VWA2: variants seen among roughly 807,000 people sequenced by gnomAD.
The protein encoded by VWA2 is von Willebrand factor A domain containing 2.
VWA2 carries 73 observed loss-of-function variants against 70.4 expected under a neutral mutation model. The ratio of observed to expected loss-of-function variants is 1.04; its 90% CI spans 0.86 to 1.26. The LOEUF is 1.26. VWA2 is among the 50% of genes most tolerant of loss of function. The probability of loss-of-function intolerance (pLI) is 0.00; values close to 1 mark genes in which losing one functional copy is unlikely to be tolerated. For missense variants in VWA2, 1,011 were observed against 998.5 expected (o/e 1.01, Z -0.17); for synonymous variants, 407 against 423.3 (o/e 0.96, Z 0.47).
At chr10:114,251,915 G>A (rs1361260334) in intron 2 of VWA2, among the ~76,000 whole-genome samples, 5 of 148,480 alleles carry the variant, frequency 3.4e-5, no homozygotes, top group Non-Finnish European at 7.4e-5. Flanking sequence ...TCCGCCTCCC[G>A]GGTTCAAGTG....
chr10:114,259,222 G>GA (rs1409341040), intron 4 of VWA2, among the ~76,000 whole-genome samples: 1 of 152,124 alleles, frequency 6.6e-6, no homozygotes, highest in East Asian at 1.9e-4. Context: ...AATGGATGGG[G>GA]AAAAATGCTA....
At chr10:114,273,291 A>G (rs779650547) in intron 6 of VWA2, among the ~76,000 whole-genome samples, 17 of 152,108 alleles carry the variant, frequency 1.1e-4, no homozygotes, top group Middle Eastern at 3.4e-3. Context: ...TCTTCCACAT[A>G]TCTCTGCTGT....
rs2037291719 is a variant in VWA2, at chr10:114,254,999, A to G, written c.212A>G (p.Lys71Arg). Reference sequence around the variant, plus strand: ...GGGAAAGGGAGCTTTGAAAGGTCCAAGCACTTTGCCATCACAGTCTGTGAC... The same window carrying G: ...GGGAAAGGGAGCTTTGAAAGGTCCAGGCACTTTGCCATCACAGTCTGTGAC... ...SVGKGSFERSKHFAITVCDGL... is the reference protein window; with the variant it reads ...SVGKGSFERSRHFAITVCDGL... The change falls in exon 4 of 14, where the codon AAG (lysine) becomes AGG (arginine). Residue 71 changes from lysine to arginine, a missense_variant. Lys to Arg is a conservative substitution (Grantham distance 26). Coordinates refer to ENST00000392982, the MANE Select transcript of VWA2 (RefSeq NM_001272046.2). 1 of 1,613,042 alleles carries G rather than the reference A, an allele frequency of 6.2e-7. No individual in the cohort carries two copies. The highest frequency in any genetic ancestry group is 1.3e-5 in the African/African-American group (1 of 74,910).
intron 5 of VWA2, 60 bp from the exon 6 acceptor site, chr10:114,272,680 C>T: frequency 7.0e-7 from 1 of 1,437,098 alleles, no homozygotes; most frequent in Non-Finnish European, 9.3e-7. Context: ...GACTCTCATC[C>T]CAACTTCACC....
At chr10:114,274,301 T>C (rs980452705) in intron 6 of VWA2, among the ~76,000 whole-genome samples, 2 of 152,160 alleles carry the variant, frequency 1.3e-5, no homozygotes, top group Non-Finnish European at 2.9e-5. Flanking sequence ...GGGAATGATA[T>C]CTTCAGAGAA....
At chr10:114,278,677 C>A (rs1316337407) in intron 7 of VWA2, 42 bp from the exon 8 acceptor site, 2 of 1,607,144 alleles carry the variant, frequency 1.2e-6, no homozygotes, top group Non-Finnish European at 1.7e-6. Context: ...GGAGGTGGAA[C>A]CCTGTCTCCT....
chr10:114,273,553 T>C (rs1439678611), intron 6 of VWA2, among the ~76,000 whole-genome samples: 4 of 152,196 alleles, frequency 2.6e-5, no homozygotes, highest in Non-Finnish European at 5.9e-5. Context: ...TAGGCTTTCC[T>C]AGAAGAGAGG....
chr10:114,242,376 A>T (rs549189206), intron 1 of VWA2, among the ~76,000 whole-genome samples: 2 of 152,292 alleles, frequency 1.3e-5, no homozygotes, highest in East Asian at 3.9e-4. Context: ...CTGCCATCAG[A>T]TGGTTGCTCT....
At chr10:114,262,762 C>T (rs918872976) in intron 5 of VWA2, among the ~76,000 whole-genome samples, 7 of 152,150 alleles carry the variant, frequency 4.6e-5, no homozygotes, top group Non-Finnish European at 7.3e-5. Flanking sequence ...CCTCTGCCGT[C>T]GAACAGATCA....
chr10:114,277,604 C>A (rs1036149400), intron 6 of VWA2, among the ~76,000 whole-genome samples: 3 of 152,192 alleles, frequency 2.0e-5, no homozygotes, highest in Non-Finnish European at 4.4e-5. Flanking sequence ...CTATGGCTAT[C>A]GAGGTGTGCT....
intron 5 of VWA2, among the ~76,000 whole-genome samples, chr10:114,264,560 G>T (rs1163173872): frequency 6.6e-6 from 1 of 151,954 alleles, no homozygotes; most frequent in African/African-American, 2.4e-5. Context: ...TGGGACTGTG[G>T]GTGCCCGCCA....
chr10:114,239,999 A>C (rs1383932271), intron 1 of VWA2, among the ~76,000 whole-genome samples: 1 of 152,112 alleles, frequency 6.6e-6, no homozygotes, highest in Non-Finnish European at 1.5e-5. Context: ...CTTTGAATAA[A>C]GGCTTTGGTG....
chr10:114,255,231 T>G (rs2037299897), intron 4 of VWA2, among the ~76,000 whole-genome samples, 183 bp downstream of exon 4: 1 of 147,800 alleles, frequency 6.8e-6, no homozygotes, highest in Non-Finnish European at 1.5e-5. Flanking sequence ...ATCTTTTTCT[T>G]TTTTTTTTTT....
chr10:114,251,158 A>G (rs1191934416), intron 2 of VWA2, among the ~76,000 whole-genome samples: 11 of 152,256 alleles, frequency 7.2e-5, no homozygotes, highest in African/African-American at 2.7e-4. Context: ...TGCCTGCGCA[A>G]TAGCGTCACC....
At chr10:114,287,630 C>T (rs773127143) in intron 11 of VWA2, among the ~76,000 whole-genome samples, 11 of 152,128 alleles carry the variant, frequency 7.2e-5, no homozygotes, top group Non-Finnish European at 1.3e-4. Flanking sequence ...TGCCCACTCC[C>T]ACCCTGCCCC....
rs376331052 is a variant in VWA2 at position 114,289,237 on chromosome 10, G to A, written c.1870G>A (p.Val624Ile). ...GCACATCTATGACAAAGTGATGACC[G>A]TCCAGAGGGGTGCCCGGCCTGGTGT... Reference protein sequence around the residue: ...LLHIYDKVMTVQRGARPGVPK... With the variant: ...LLHIYDKVMTIQRGARPGVPK... The change falls in exon 12 of 14, where the codon GTC (valine) becomes ATC (isoleucine). Residue 624 changes from valine (V) to isoleucine (I), a missense_variant. Transcript: ENST00000392982. The A allele has an allele frequency of 1.5e-5, 25 of 1,613,788 alleles. No homozygotes were observed. Among genetic ancestry groups the A allele is most frequent in the South Asian group, 5.5e-5 (5 of 91,042 alleles).
chr10:114,271,448 C>T (rs969302227), intron 5 of VWA2, among the ~76,000 whole-genome samples: 1 of 152,166 alleles, frequency 6.6e-6, no homozygotes, highest in Non-Finnish European at 1.5e-5. Flanking sequence ...CATGCTCTTT[C>T]CTTGTCTTCC....
intron 1 of VWA2, among the ~76,000 whole-genome samples, chr10:114,240,847 C>A (rs1564709359): frequency 6.6e-6 from 1 of 152,216 alleles, no homozygotes; most frequent in Non-Finnish European, 1.5e-5. Context: ...GTAAGAATTT[C>A]TCAGACTAGG....
chr10:114,262,360 A>G (rs2037462815), intron 5 of VWA2, among the ~76,000 whole-genome samples: 1 of 151,400 alleles, frequency 6.6e-6, no homozygotes, highest in South Asian at 2.1e-4. Context: ...ATATGCATAT[A>G]TACATATGCA....
Sources: allele counts gnomAD v4.1 joint callset (sites outside exome capture counted in the v4.1 genomes callset), GRCh38; gene constraint gnomAD v4.1.1; transcripts MANE v1.5; gene names NCBI Gene and HGNC (gene_info 2026-07-23, HGNC 2026-07-21).